FUZ: variants seen among roughly 807,000 people sequenced by gnomAD.
FUZ encodes the protein protein fuzzy homolog.
Under a neutral mutation model 43.1 loss-of-function variants are expected in FUZ, and 31 were observed. The ratio of observed to expected loss-of-function variants is 0.72; its 90% confidence interval spans 0.54 to 0.97. The LOEUF (loss-of-function observed/expected upper bound fraction) is 0.97. Ranked by LOEUF, FUZ falls within the 50% of genes least tolerant of loss-of-function variation. FUZ has a pLI of 0.00. For synonymous variants in FUZ, 274 were observed against 250.0 expected (o/e 1.10, Z -0.91); for missense variants, 539 against 543.8 (o/e 0.99, Z 0.09).
intron 5 of FUZ, 183 bp downstream of exon 5, chr19:49,811,180 A>G: frequency 1.5e-6 from 1 of 670,994 alleles, no homozygotes; most frequent in South Asian, 1.7e-5. Context: ...AAAAGAAAAA[A>G]GAAAAGAAAG....
rs1191137609 is a variant in FUZ at position 49,813,048 on chromosome 19, C to T, written c.59G>A (p.Gly20Glu). ...VHLLCLAASS[G>E]VPLFCRSSRG... is the part of the protein sequence containing the mutation. ...ACTGCTCCTGCAGAATAGGGGGACC[C>T]CGCTGGAGGCCGCGAGGCACAGCAG... Residue 20 changes from glycine to glutamate, a missense_variant, in exon 1 of 11, where the codon GGG becomes GAG. By Grantham distance (98) the Gly-to-Glu change is moderately conservative. Coordinates refer to ENST00000313777, the MANE Select transcript of FUZ (RefSeq NM_025129.5). The T allele has an allele frequency of 1.3e-6, 2 of 1,551,166 alleles. No homozygotes were observed. The highest frequency in any genetic ancestry group is 1.7e-6 in the Non-Finnish European group (2 of 1,146,996).
intron 7 of FUZ, 61 bp from the exon 8 acceptor site, chr19:49,808,884 G>A (rs1600272018): frequency 4.7e-6 from 6 of 1,289,788 alleles, no homozygotes; most frequent in Non-Finnish European, 6.5e-6. Context: ...GGGGGAGGTC[G>A]GGGGGTGTAC....
chr19:49,812,817 C>A, intron 1 of FUZ, 81 bp from the exon 2 acceptor site: 11 of 1,567,560 alleles, frequency 7.0e-6, no homozygotes, highest in Non-Finnish European at 8.7e-6. Context: ...CAGCTCCCAG[C>A]CCCATCCTCT....
intron 1 of FUZ, 107 bp from the exon 2 acceptor site, chr19:49,812,843 C>T (rs534108074): frequency 1.3e-5 from 19 of 1,480,610 alleles, no homozygotes; most frequent in Non-Finnish European, 1.6e-5. Flanking sequence ...TATGACCTGG[C>T]AGTGCCTCTT....
intron 5 of FUZ, among the ~76,000 whole-genome samples, chr19:49,810,395 C>T (rs1443561631): frequency 6.6e-6 from 1 of 151,974 alleles, no homozygotes; most frequent in Admixed American, 6.6e-5. Context: ...TGAATGTCAG[C>T]CGGGCGCGGT....
At chr19:49,812,033 G>T (rs1436040809) in intron 3 of FUZ, among the ~76,000 whole-genome samples, 1 of 152,180 alleles carries the variant, frequency 6.6e-6, no homozygotes, top group Non-Finnish European at 1.5e-5. Context: ...GCTTGAACCT[G>T]GGAGGCAGAG....
At chr19:49,807,546 C>G (rs2073453717) in intron 10 of FUZ, among the ~76,000 whole-genome samples, 172 bp from the exon 11 acceptor site, 1 of 152,176 alleles carries the variant, frequency 6.6e-6, no homozygotes, top group Non-Finnish European at 1.5e-5. Flanking sequence ...AACTTGAAGA[C>G]CACAATGATG....
rs756778438 is a variant in FUZ at position 49,811,442 on chromosome 19, A to G, written c.413T>C (p.Phe138Ser). ...CCCGATGAGCTCCGAGTCCCCCAGGAAGCTGTCGATGAGGCAATAACTGGC... is the reference window on the plus strand; with the variant it reads ...CCCGATGAGCTCCGAGTCCCCCAGGGAGCTGTCGATGAGGCAATAACTGGC... ...LRASYCLIDSFLGDSELIGDL... is the reference protein window; with the variant it reads ...LRASYCLIDSSLGDSELIGDL... The change falls in exon 5 of 11, where the codon TTC (phenylalanine) becomes TCC (serine). Residue 138 changes from phenylalanine to serine, a missense_variant. Phe to Ser is a radical substitution (Grantham distance 155, BLOSUM62 -2). Coordinates refer to ENST00000313777, the MANE Select transcript of FUZ (RefSeq NM_025129.5). 115 of 1,613,890 alleles carry G rather than the reference A, an allele frequency of 7.1e-5. No homozygotes were observed. The highest frequency in any genetic ancestry group is 9.5e-5 in the Non-Finnish European group (112 of 1,179,962).
At position 49,809,963 on chromosome 19, in the gene FUZ, G is replaced by T; in HGVS notation, c.493-388C>A. The T allele has an allele frequency of 2.8e-6, 1 of 363,146 alleles. No homozygotes were observed. Among genetic ancestry groups the T allele is most frequent in the Non-Finnish European group, 5.2e-6 (1 of 190,688 alleles). The allele number at this position is 363,146 out of a possible 1,614,324, so 22.5% of individuals were successfully genotyped here. A position where few individuals can be genotyped will look rare whatever the true frequency, so the allele number is the denominator to read the frequency against. ...CGCCACACCAGGCAAGTCCACAAGA[G>T]CAGTATTTAAGTAGAGGTAGCTAGA... On this transcript the variant is annotated intron_variant, in intron 5 of 10. Coordinates refer to ENST00000313777, the MANE Select transcript of FUZ (RefSeq NM_025129.5). The surrounding 1 kb of genome is among the most constrained non-coding windows in gnomAD (Gnocchi z 5.1).
Position 49,809,248 on chromosome 19 carries a change from C to T in FUZ, c.701G>A (p.Arg234Gln). Residue 234 changes from arginine (R) to glutamine (Q), a missense_variant, in exon 7 of 11, where the codon CGG (arginine) becomes CAG (glutamine). Transcript: ENST00000313777. This position sits in a 1 kb window ranked among gnomAD's most constrained non-coding sequence, Gnocchi z 5.1. ...LPHGSPTVPH[R>Q]LLTLTLLPSL... ...CGGCAGCAGAGTCAGGGTCAGGAGCCGGTGTGGGACCTGAAGCAGGGCACA... is the reference window on the plus strand; with the variant it reads ...CGGCAGCAGAGTCAGGGTCAGGAGCTGGTGTGGGACCTGAAGCAGGGCACA... 6.4e-7 allele frequency: 1 copy of T among 1,550,926 alleles called. No homozygotes were observed. Among genetic ancestry groups the T allele is most frequent in the African/African-American group, 1.4e-5 (1 of 73,138 alleles).
At position 49,809,446 on chromosome 19, in the gene FUZ, G is replaced by A; in HGVS notation, c.622C>T (p.Leu208=). 1 of 1,549,106 alleles carries A rather than the reference G, an allele frequency of 6.5e-7. No homozygotes were observed. The highest frequency in any genetic ancestry group is 1.2e-5 in the South Asian group (1 of 84,562). ...GTPEAVLLPW[L]VGSLPPQTAR... ...GTCTGCGGCGGCAGGGACCCCACCA[G>A]CCAGGGGAGCAGCACGGCCTCGGGC... Residue 208 remains leucine, a synonymous_variant, in exon 6 of 11, where the codon CTG becomes TTG. Coordinates refer to ENST00000313777, the MANE Select transcript of FUZ (RefSeq NM_025129.5). The surrounding 1 kb of genome is among the most constrained non-coding windows in gnomAD (Gnocchi z 5.1).
rs891479087 is a variant in FUZ, at chr19:49,807,789, C to T, written c.1034-415G>A. On this transcript the variant is annotated intron_variant, in intron 10 of 10. Coordinates refer to ENST00000313777, the MANE Select transcript of FUZ (RefSeq NM_025129.5). ...CACAGCTAAGAAGGGGTGCAGCCCC[C>T]GAGTTGGAGCTCTTGACCACTGTGC... Among the ~76,000 whole-genome samples the T allele has an allele frequency of 4.6e-5, 7 of 152,304 alleles. No individual in the cohort carries two copies. In the South Asian group the frequency reaches 1.2e-3, roughly 27 times the overall value.
chr19:49,811,537 G>T (rs781631990), intron 4 of FUZ, 70 bp from the exon 5 acceptor site: 1 of 1,576,810 alleles, frequency 6.3e-7, no homozygotes. Flanking sequence ...GAACCTGTGG[G>T]ACCAGGCTGC....
chr19:49,809,522 C>T lies in FUZ; in HGVS notation c.546G>A (p.Val182=), dbSNP rs376923146. Residue 182 remains valine (V), a synonymous_variant, in exon 6 of 11, where the codon GTG becomes GTA. Transcript: ENST00000313777. The surrounding 1 kb of genome is among the most constrained non-coding windows in gnomAD (Gnocchi z 5.1). Reference sequence around the variant, plus strand: ...TTGCTGCCACCACCCGGCCGGACACCACCAGACTGACGAAGGTCGTGCCCG... The same window carrying T: ...TTGCTGCCACCACCCGGCCGGACACTACCAGACTGACGAAGGTCGTGCCCG... The part of the protein sequence containing the change: ...EAAGTTFVSL[V]VSGRVVAATE... 155 of 1,601,280 alleles carry T rather than the reference C, an allele frequency of 9.7e-5. 4 individuals are homozygous for T. The South Asian group carries it at 1.4e-3, about 14-fold the overall frequency.
At position 49,809,955 on chromosome 19, in the gene FUZ, C is replaced by T; in HGVS notation, c.493-380G>A. ...TGGGAGGCCGCCACACCAGGCAAGT[C>T]CACAAGAGCAGTATTTAAGTAGAGG... On this transcript the variant is annotated intron_variant, in intron 5 of 10. Transcript: ENST00000313777. This position sits in a 1 kb window ranked among gnomAD's most constrained non-coding sequence, Gnocchi z 5.1. The T allele has an allele frequency of 5.3e-6, 2 of 375,080 alleles. No homozygotes were observed. The highest frequency in any genetic ancestry group is 1.0e-5 in the Non-Finnish European group (2 of 197,966). 23.2% of individuals were successfully genotyped at this position (375,080 alleles called of 1,614,324 possible).
At chr19:49,812,771 C>T (rs200613587) in intron 1 of FUZ, 35 bp from the exon 2 acceptor site, 66 of 1,609,810 alleles carry the variant, frequency 4.1e-5, no homozygotes, top group Non-Finnish European at 5.3e-5. Flanking sequence ...ACAAGAGCAC[C>T]CCCCCATCCC....
In FUZ at chr19:49,809,555, A is replaced by G. The variant is rs759816887; in HGVS notation, c.513T>C (p.Ala171=). The change falls in exon 6 of 11, where the codon GCT becomes GCC. Residue 171 remains alanine, a synonymous_variant. Coordinates refer to ENST00000313777, the MANE Select transcript of FUZ (RefSeq NM_025129.5). The surrounding 1 kb of genome is among the most constrained non-coding windows in gnomAD (Gnocchi z 5.1). The part of the protein sequence containing the change: ...SLLQEALSGF[A]EAAGTTFVSL... ...TGACGAAGGTCGTGCCCGCGGCCTC[A>G]GCGAACCCGGAGAGGGCTTCCTGGG... 2.5e-6 allele frequency: 4 copies of G among 1,598,758 alleles called. No homozygotes were observed. Among genetic ancestry groups the G allele is most frequent in the East Asian group, 4.5e-5 (2 of 44,580 alleles).
intron 7 of FUZ, 25 bp from the exon 8 acceptor site, chr19:49,808,848 G>A: frequency 3.3e-6 from 5 of 1,531,532 alleles, no homozygotes; most frequent in Non-Finnish European, 4.4e-6. Flanking sequence ...GTCATTGTGA[G>A]GTCGTCATGG....
chr19:49,807,020 T>TGCCCC lies in FUZ; in HGVS notation c.*130_*131insGGGGC. The TGCCCC allele has an allele frequency of 7.5e-7, 1 of 1,338,572 alleles. No individual in the cohort carries two copies. The highest frequency in any genetic ancestry group is 1.0e-6 in the Non-Finnish European group (1 of 996,938). The allele number at this position is 1,338,572 out of a possible 1,614,324, so 82.9% of individuals were successfully genotyped here. A position where few individuals can be genotyped will look rare whatever the true frequency, so the allele number is the denominator to read the frequency against. ...AGGGGCCAGGGAAGTGGATGTCTCC[T>TGCCCC]CCCCTCCCACCCCACCCTGTTGTAG... On this transcript the variant is annotated 3_prime_UTR_variant, in exon 11 of 11. Coordinates refer to ENST00000313777, the MANE Select transcript of FUZ (RefSeq NM_025129.5).
Sources: allele counts gnomAD v4.1 joint callset (sites outside exome capture counted in the v4.1 genomes callset), GRCh38; gene constraint gnomAD v4.1.1; non-coding constraint Gnocchi (gnomAD v3.1); transcripts MANE v1.5; gene names NCBI Gene and HGNC (gene_info 2026-07-23, HGNC 2026-07-21).